Variants in SLC9B1 observed in about 807,000 individuals in gnomAD.
The protein encoded by SLC9B1 is sodium/hydrogen exchanger 9B1.
In SLC9B1, 32 loss-of-function variants were observed where a neutral mutation model predicts 51.7. The observed-to-expected ratio is 0.62, with a 90% CI of 0.47 to 0.83. SLC9B1 has a LOEUF of 0.83. Among genes scored for constraint, SLC9B1 ranks in the 40% least tolerant of loss-of-function variants. The pLI is 0.00. For synonymous variants in SLC9B1, 145 were observed against 212.7 expected, an observed-to-expected ratio of 0.68 and a Z score of 2.77; for missense variants, 406 against 613.2, an observed-to-expected ratio of 0.66 and a Z score of 3.57.
At chr4:102,977,025 C>T (rs567346183) in intron 3 of SLC9B1, among the ~76,000 whole-genome samples, 1 of 151,988 alleles carries the variant, frequency 6.6e-6, no homozygotes, top group Non-Finnish European at 1.5e-5. Flanking sequence ...TGACATGTGC[C>T]TGCAGTCCCA....
At chr4:102,959,994 GTTTT>G (rs908978777) in intron 3 of SLC9B1, among the ~76,000 whole-genome samples, 1 of 145,374 alleles carries the variant, frequency 6.9e-6, no homozygotes, top group Admixed American at 6.9e-5. Flanking sequence ...CAAAATAAAA[GTTTT>G]TTTTTTTAAA....
chr4:102,979,981 A>C (rs1247125171), intron 3 of SLC9B1, among the ~76,000 whole-genome samples: 1 of 152,242 alleles, frequency 6.6e-6, no homozygotes, highest in Non-Finnish European at 1.5e-5. Context: ...TGCAGCCAGC[A>C]AACGTATGAA....
At chr4:102,891,072 T>C (rs577632757) in intron 11 of SLC9B1, 2 of 151,226 alleles carry the variant, frequency 1.3e-5, no homozygotes. Context: ...AAGGAAATGA[T>C]GTATGTGTTT....
At chr4:102,903,841 A>T (rs1734900629) in intron 11 of SLC9B1, among the ~76,000 whole-genome samples, 1 of 152,202 alleles carries the variant, frequency 6.6e-6, no homozygotes, top group South Asian at 2.1e-4. Flanking sequence ...CACTGTGTTA[A>T]GTGCCAGGGA....
chr4:102,896,283 G>T (rs1054890598), downstream of SLC9B1, among the ~76,000 whole-genome samples: 24 of 152,102 alleles, frequency 1.6e-4, no homozygotes, highest in African/African-American at 5.3e-4. Context: ...ATCTCTTGCT[G>T]TGAAGGCCTT....
intron 1 of SLC9B1, among the ~76,000 whole-genome samples, chr4:103,000,018 T>C (rs1361472307): frequency 6.6e-6 from 1 of 152,136 alleles, no homozygotes; most frequent in African/African-American, 2.4e-5. Context: ...CAGGGGAAAA[T>C]GCCAGATGCT....
chr4:102,921,793 A>G (rs7686957), intron 7 of SLC9B1, among the ~76,000 whole-genome samples: 83,132 of 151,970 alleles, frequency 0.55, 23,310 homozygotes, highest in African/African-American at 0.68. Flanking sequence ...TTAAACCAAC[A>G]AAGATCAAAA....
chr4:102,947,345 T>G (rs1737317509), intron 4 of SLC9B1, among the ~76,000 whole-genome samples: 1 of 152,220 alleles, frequency 6.6e-6, no homozygotes, highest in Non-Finnish European at 1.5e-5. Flanking sequence ...AGAGATAAGA[T>G]GTAGAGATTA....
At chr4:103,014,223 A>G (rs1205208791) in intron 1 of SLC9B1, among the ~76,000 whole-genome samples, 1 of 152,174 alleles carries the variant, frequency 6.6e-6, no homozygotes, top group Non-Finnish European at 1.5e-5. Context: ...CCAAAACTTT[A>G]TGCATTCTGT....
At chr4:102,986,356 C>T (rs1272372351) in intron 3 of SLC9B1, among the ~76,000 whole-genome samples, 2 of 151,416 alleles carry the variant, frequency 1.3e-5, no homozygotes, top group South Asian at 2.1e-4. Context: ...CTTACCTTTG[C>T]TCTTTTATGG....
At chr4:102,954,405 T>G (rs1422748798) in intron 3 of SLC9B1, among the ~76,000 whole-genome samples, 1 of 90,048 alleles carries the variant, frequency 1.1e-5, no homozygotes, top group African/African-American at 5.8e-5. Flanking sequence ...TGCATCAATG[T>G]TCATCAAGGA....
At chr4:102,925,942 A>G (rs1175303247) in intron 7 of SLC9B1, among the ~76,000 whole-genome samples, 1 of 152,230 alleles carries the variant, frequency 6.6e-6, no homozygotes, top group African/African-American at 2.4e-5. Flanking sequence ...CTGGTTCAAC[A>G]TATGTAACTC....
intron 3 of SLC9B1, among the ~76,000 whole-genome samples, chr4:102,955,457 A>G (rs6830193): frequency 0.57 from 87,249 of 151,954 alleles, 26,319 homozygotes; most frequent in African/African-American, 0.78. Context: ...TGGGAAAAAC[A>G]GTAGTTTTAC....
chr4:102,911,135 A>T (rs1264847456), intron 8 of SLC9B1, among the ~76,000 whole-genome samples: 5 of 152,222 alleles, frequency 3.3e-5, no homozygotes, highest in African/African-American at 1.2e-4. Flanking sequence ...GGGGGAAATT[A>T]TCAAACATCA....
chr4:102,913,335 C>A (rs1735429589), intron 7 of SLC9B1, among the ~76,000 whole-genome samples: 1 of 152,110 alleles, frequency 6.6e-6, no homozygotes, highest in African/African-American at 2.4e-5. Context: ...CAGACAGATA[C>A]CAGAGAGAAC....
At chr4:102,981,451 A>G (rs987302639) in intron 3 of SLC9B1, among the ~76,000 whole-genome samples, 2 of 152,188 alleles carry the variant, frequency 1.3e-5, no homozygotes, top group Non-Finnish European at 2.9e-5. Flanking sequence ...GGGGCTGTAC[A>G]GTTTGTACAA....
At chr4:102,956,541 G>C (rs1301054424) in intron 3 of SLC9B1, among the ~76,000 whole-genome samples, 6 of 152,164 alleles carry the variant, frequency 3.9e-5, no homozygotes, top group Non-Finnish European at 7.4e-5. Context: ...AGCCTTACTA[G>C]CTTTAACATA....
rs760208609 is a variant in SLC9B1 at position 102,946,677 on chromosome 4, T to C, written c.495A>G (p.Leu165=). Residue 165 remains leucine (L), a synonymous_variant, in exon 5 of 12, where the codon CTA becomes CTG. Coordinates refer to ENST00000296422, the MANE Select transcript of SLC9B1 (RefSeq NM_139173.4). The stretch of plus-strand genomic sequence containing the variant: ...GATCGAGTCCAAGCCCAGCTCTTAT[T>C]AGAATAATGGTAAGGGCAATGCTTC... ...ILRSIALTII[L]IRAGLGLDPQ... is the part of the protein sequence containing the mutation. The C allele has an allele frequency of 1.9e-6, 3 of 1,609,758 alleles. No homozygotes were observed. The highest frequency in any genetic ancestry group is 2.5e-6 in the Non-Finnish European group (3 of 1,179,216).
chr4:102,949,003 T>C (rs1023660417), intron 4 of SLC9B1, among the ~76,000 whole-genome samples: 1 of 152,080 alleles, frequency 6.6e-6, no homozygotes, highest in Non-Finnish European at 1.5e-5. Flanking sequence ...ACAGGAATAA[T>C]GTACTAAGGA....
Sources: allele counts gnomAD v4.1 joint callset (sites outside exome capture counted in the v4.1 genomes callset), GRCh38; gene constraint gnomAD v4.1.1; transcripts MANE v1.5; gene names NCBI Gene and HGNC (gene_info 2026-07-23, HGNC 2026-07-21).